KCNJ6: variants seen among roughly 807,000 people sequenced by gnomAD.
KCNJ6 encodes G protein-activated inward rectifier potassium channel 2.
A neutral mutation model predicts 34.2 loss-of-function variants in KCNJ6; 9 were observed. The observed-to-expected ratio is 0.26, with a 90% confidence interval of 0.16 to 0.46. KCNJ6 has a LOEUF of 0.46. Ranked by LOEUF, KCNJ6 falls within the 20% of genes least tolerant of loss-of-function variation. The pLI is 1.00. For missense variants in KCNJ6, 236 were observed against 531.3 expected (o/e 0.44, Z 5.46); for synonymous variants, 196 against 207.1 (o/e 0.95, Z 0.46).
rs748374656 is a variant in KCNJ6 at position 37,630,162 on chromosome 21, T to TGTGTGTGTGTGTGG, written c.947-4679_947-4678insCCACACACACACAC. On this transcript the variant is annotated intron_variant, in intron 3 of 3. Coordinates refer to ENST00000609713, the MANE Select transcript of KCNJ6 (RefSeq NM_002240.5). Reference sequence around the variant, plus strand: ...TGTGTGTGTGTGTGTGTGTGTGGTGTTTATGTTCCATATCAGGGACATCAT... The same window carrying TGTGTGTGTGTGTGG: ...TGTGTGTGTGTGTGTGTGTGTGGTGTGTGTGTGTGTGTGGTTATGTTCCATATCAGGGACATCAT... Among the ~76,000 whole-genome samples the TGTGTGTGTGTGTGG allele has an allele frequency of 6.4e-3, 412 of 64,466 alleles. 1 individual carries two copies. Among genetic ancestry groups the TGTGTGTGTGTGTGG allele is most frequent in the East Asian group, 0.033 (56 of 1,686 alleles). The allele number at this position is 64,466 out of a possible 152,430, so 42.3% of individuals were successfully genotyped here.
At chr21:37,655,826 C>CG (rs2054461349) in intron 3 of KCNJ6, among the ~76,000 whole-genome samples, 1 of 152,154 alleles carries the variant, frequency 6.6e-6, no homozygotes, top group South Asian at 2.1e-4. Flanking sequence ...GACGAAGCCA[C>CG]GGAGGTCAGG....
chr21:37,733,305 G>A (rs190581779), intron 2 of KCNJ6, among the ~76,000 whole-genome samples: 1 of 151,784 alleles, frequency 6.6e-6, no homozygotes, highest in Admixed American at 6.5e-5. Flanking sequence ...CATCTGTGTT[G>A]TTCTGGAGAA....
At chr21:37,911,381 T>C (rs910401646) in intron 1 of KCNJ6, among the ~76,000 whole-genome samples, 2 of 152,220 alleles carry the variant, frequency 1.3e-5, no homozygotes, top group African/African-American at 2.4e-5. Flanking sequence ...TTACTGGTAT[T>C]ACCAAAGTTA....
chr21:37,851,209 C>G lies in KCNJ6; in HGVS notation c.-27-10500G>C, dbSNP rs117991548. 3.3e-3 allele frequency among the ~76,000 whole-genome samples: 504 copies of G among 152,222 alleles called. 1 individual carries two copies. The highest frequency in any genetic ancestry group is 5.8e-3 in the Non-Finnish European group (396 of 68,020). ...GGGAAGTGGTGTGGTTGCCTGTTCT[C>G]AAAACAGGATACTATCCCTGCTGAA... On this transcript the variant is annotated intron_variant, in intron 1 of 3. Transcript: ENST00000609713.
At position 37,611,850 on chromosome 21, in the gene KCNJ6, A is replaced by G. The variant is rs1485965438; in HGVS notation, c.*13309T>C. 7 of 152,148 alleles carry G rather than the reference A, an allele frequency of 4.6e-5. No homozygotes were observed. The highest frequency in any genetic ancestry group is 1.0e-4 in the Non-Finnish European group (7 of 68,002). 9.4% of individuals were successfully genotyped at this position (152,148 alleles called of 1,614,324 possible). A position where few individuals can be genotyped will look rare whatever the true frequency, so the allele number is the denominator to read the frequency against. ...CAACCTGATAAACAATATCTAAAAA[A>G]AAAACCTTACAGCTAACATCATACT... On this transcript the variant is annotated 3_prime_UTR_variant, in exon 4 of 4. Coordinates refer to ENST00000609713, the MANE Select transcript of KCNJ6 (RefSeq NM_002240.5).
rs186107492 is a variant in KCNJ6 at position 37,823,624 on chromosome 21, G to A, written c.25+17034C>T. Among the ~76,000 whole-genome samples the A allele has an allele frequency of 1.7e-3, 266 of 152,236 alleles. 1 individual carries two copies. The highest frequency in any genetic ancestry group is 5.9e-3 in the Admixed American group (90 of 15,298). The stretch of plus-strand genomic sequence containing the variant: ...ACACTCTCACTCTTTCTCTCCTGCC[G>A]CCATGTGAAGAAGGTGCCTGGTTCC... On this transcript the variant is annotated intron_variant, in intron 2 of 3. Transcript: ENST00000609713.
chr21:37,868,779 G>C (rs1324772767), intron 1 of KCNJ6, among the ~76,000 whole-genome samples: 2 of 152,170 alleles, frequency 1.3e-5, no homozygotes, highest in African/African-American at 4.8e-5. Context: ...TCTCACAACG[G>C]GCAGGCAGGG....
intron 3 of KCNJ6, among the ~76,000 whole-genome samples, chr21:37,687,768 TGCTTA>T (rs2054622158): frequency 6.6e-6 from 1 of 152,234 alleles, no homozygotes; most frequent in African/African-American, 2.4e-5. Context: ...GACACACCTC[TGCTTA>T]GCTTCCAGCA....
chr21:37,789,367 TAAG>T (rs2055206514), intron 2 of KCNJ6, among the ~76,000 whole-genome samples: 1 of 152,122 alleles, frequency 6.6e-6, no homozygotes, highest in South Asian at 2.1e-4. Flanking sequence ...GGTGGCCTTA[TAAG>T]AAGTAGAGAG....
At chr21:37,787,811 TATTA>T (rs1469701524) in intron 2 of KCNJ6, among the ~76,000 whole-genome samples, 4 of 152,314 alleles carry the variant, frequency 2.6e-5, no homozygotes, top group Non-Finnish European at 4.4e-5. Context: ...GTATGAGAAA[TATTA>T]ATTAAAGTTA....
intron 3 of KCNJ6, among the ~76,000 whole-genome samples, chr21:37,661,277 C>G (rs2054487015): frequency 6.6e-6 from 1 of 152,158 alleles, no homozygotes; most frequent in African/African-American, 2.4e-5. Flanking sequence ...TGACTAGTAA[C>G]TTTTGTAAGA....
chr21:37,873,403 C>T (rs2055662132), intron 1 of KCNJ6, among the ~76,000 whole-genome samples: 1 of 152,122 alleles, frequency 6.6e-6, no homozygotes, highest in African/African-American at 2.4e-5. Flanking sequence ...ATAACTTTTC[C>T]AAAGATCTCA....
intron 2 of KCNJ6, among the ~76,000 whole-genome samples, chr21:37,763,241 G>C (rs1209704460): frequency 6.6e-6 from 1 of 152,170 alleles, no homozygotes; most frequent in Non-Finnish European, 1.5e-5. Context: ...CAGCCTGCTT[G>C]TAGGGGGGGC....
Position 37,617,170 on chromosome 21 carries a change from T to TTCCTTCCC in KCNJ6, c.*7988_*7989insGGGAAGGA, listed in dbSNP as rs2054274957. ...TTCCTTCCTTCTTTCTTTATCTTTT[T>TTCCTTCCC]TCCTTCCTTCCTTCCTTCCTTCCTT... On this transcript the variant is annotated 3_prime_UTR_variant, in exon 4 of 4. Coordinates refer to ENST00000609713, the MANE Select transcript of KCNJ6 (RefSeq NM_002240.5). The TTCCTTCCC allele has an allele frequency of 8.1e-5, 1 of 12,292 alleles. No homozygotes were observed. The highest frequency in any genetic ancestry group is 3.1e-4 in the African/African-American group (1 of 3,266). The allele number at this position is 12,292 out of a possible 1,614,324, so 0.8% of individuals were successfully genotyped here. A position where few individuals can be genotyped will look rare whatever the true frequency, so the allele number is the denominator to read the frequency against.
chr21:37,856,952 T>G (rs1175146995), intron 1 of KCNJ6, among the ~76,000 whole-genome samples: 2 of 152,140 alleles, frequency 1.3e-5, no homozygotes, highest in South Asian at 4.1e-4. Context: ...TATCGAATGG[T>G]ATCCCTAATA....
In KCNJ6 at chr21:37,622,879, CT is replaced by C. The variant is rs1466638177; in HGVS notation, c.*2279del. The C allele has an allele frequency of 2.6e-5, 4 of 152,202 alleles. No individual in the cohort carries two copies. Among genetic ancestry groups the C allele is most frequent in the East Asian group, 1.9e-4 (1 of 5,192 alleles). 9.4% of individuals were successfully genotyped at this position (152,202 alleles called of 1,614,324 possible). A position where few individuals can be genotyped will look rare whatever the true frequency, so the allele number is the denominator to read the frequency against. On this transcript the variant is annotated 3_prime_UTR_variant, in exon 4 of 4. Transcript: ENST00000609713. ...TAAATTAGAAGACATTTTGCCGCCC[CT>C]ATTCCATCTTGTTTTGTGCCTGCCA...
intron 1 of KCNJ6, among the ~76,000 whole-genome samples, chr21:37,859,487 T>TCATATATATA (rs2055582251): frequency 1.2e-5 from 1 of 84,298 alleles, no homozygotes; most frequent in African/African-American, 6.0e-5. Context: ...TTATATTACT[T>TCATATATATA]TATATATATA....
intron 1 of KCNJ6, among the ~76,000 whole-genome samples, chr21:37,875,568 AGCT>A (rs1336811304): frequency 3.3e-5 from 5 of 152,228 alleles, no homozygotes; most frequent in South Asian, 4.1e-4. Flanking sequence ...ATGCTTCTGA[AGCT>A]GCTGCAGGAT....
At chr21:37,696,497 T>C (rs936437808) in intron 3 of KCNJ6, among the ~76,000 whole-genome samples, 1 of 152,140 alleles carries the variant, frequency 6.6e-6, no homozygotes, top group Non-Finnish European at 1.5e-5. Context: ...AACTGCTCTA[T>C]AGTCTTCAAA....
Sources: gnomAD v4.1 joint callset for allele counts (sites outside exome capture counted in the v4.1 genomes callset) on GRCh38, gnomAD v4.1.1 for gene constraint, MANE v1.5 for transcripts, NCBI Gene and HGNC (gene_info 2026-07-23, HGNC 2026-07-21) for gene names.